KLRD1: variants seen among roughly 807,000 people sequenced by gnomAD.
The protein encoded by KLRD1 is killer cell lectin like receptor D1, also known as natural killer cells antigen CD94.
KLRD1 carries 21 observed loss-of-function variants against 22.6 expected under a neutral mutation model. The ratio of observed to expected loss-of-function variants is 0.93; its 90% CI spans 0.66 to 1.34. KLRD1 has a LOEUF of 1.34. Among genes scored for constraint, KLRD1 ranks in the 40% most tolerant of loss-of-function variants. The pLI, the probability that KLRD1 is intolerant of heterozygous loss-of-function variation, is 0.00. For missense variants in KLRD1, 183 were observed against 208.6 expected, an observed-to-expected ratio of 0.88 and a Z score of 0.76; for synonymous variants, 59 against 71.1, an observed-to-expected ratio of 0.83 and a Z score of 0.85.
At chr12:10,266,748 C>T (rs1412485787) in intron 1 of KLRD1, among the ~76,000 whole-genome samples, 1 of 151,400 alleles carries the variant, frequency 6.6e-6, no homozygotes, top group Non-Finnish European at 1.5e-5. Context: ...GTGCATATGA[C>T]TTTATTATAT....
chr12:10,239,301 A>C (rs1244901727), intron 1 of KLRD1, among the ~76,000 whole-genome samples: 1 of 152,196 alleles, frequency 6.6e-6, no homozygotes, highest in East Asian at 1.9e-4. Flanking sequence ...TAATAAGCCC[A>C]GGTACCACAA....
intron 5 of KLRD1, 45 bp downstream of exon 5, chr12:10,313,558 G>A: frequency 8.8e-7 from 1 of 1,130,168 alleles, no homozygotes; most frequent in Non-Finnish European, 1.3e-6. Flanking sequence ...TTATGAATTT[G>A]TCCTTAAATG....
chr12:10,320,058 G>A lies in KLRD1; in HGVS notation c.*5265G>A, dbSNP rs1292355716. ...TTTTTTTGTATTTTTAGTACAGACG[G>A]GGTTTCACCATGTTGGTCAGGCTGG... is the stretch of plus-strand genomic sequence containing the variant. On this transcript the variant is annotated 3_prime_UTR_variant, in exon 6 of 6. Transcript: ENST00000336164. 6.6e-6 allele frequency: 1 copy of A among 151,550 alleles called. No individual in the cohort carries two copies. The highest frequency in any genetic ancestry group is 1.5e-5 in the Non-Finnish European group (1 of 67,900). 9.4% of individuals were successfully genotyped at this position (151,550 alleles called of 1,614,324 possible).
chr12:10,259,204 G>T (rs1949426029), intron 1 of KLRD1, among the ~76,000 whole-genome samples: 1 of 152,128 alleles, frequency 6.6e-6, no homozygotes, highest in South Asian at 2.1e-4. Context: ...AAAATTCTAA[G>T]AATTATTCTA....
intron 1 of KLRD1, among the ~76,000 whole-genome samples, chr12:10,280,330 TAG>T (rs1403776343): frequency 6.6e-6 from 1 of 152,206 alleles, no homozygotes; most frequent in African/African-American, 2.4e-5. Flanking sequence ...TAGATCAGAA[TAG>T]AGATGGACCG....
rs530691445 is a variant in KLRD1, at chr12:10,320,697, G to A, written c.*5904G>A. On this transcript the variant is annotated 3_prime_UTR_variant, in exon 6 of 6. Coordinates refer to ENST00000336164, the MANE Select transcript of KLRD1 (RefSeq NM_002262.5). The stretch of plus-strand genomic sequence containing the variant: ...AATTGAGAAATAGATTCTGAGCAAA[G>A]ATCCAATCTAGAGTGCTCTCAGGAA... 6.6e-6 allele frequency: 1 copy of A among 151,998 alleles called. No individual in the cohort carries two copies. Among genetic ancestry groups the A allele is most frequent in the East Asian group, 1.9e-4 (1 of 5,188 alleles). 9.4% of individuals were successfully genotyped at this position (151,998 alleles called of 1,614,324 possible).
intron 1 of KLRD1, among the ~76,000 whole-genome samples, chr12:10,288,351 A>G (rs1337064909): frequency 5.9e-5 from 9 of 152,192 alleles, no homozygotes; most frequent in Non-Finnish European, 8.8e-5. Flanking sequence ...TATATAATAA[A>G]CCTACATTCA....
At chr12:10,306,252 CTGTGTGTGTGTATG>C (rs904112153), upstream of KLRD1, among the ~76,000 whole-genome samples, 11 of 151,500 alleles carry the variant, frequency 7.3e-5, no homozygotes, top group Admixed American at 4.0e-4. Flanking sequence ...TATATGTTTA[CTGTGTGTGTGTATG>C]TGTGTGTGTG....
Position 10,311,541 on chromosome 12 carries a change from ACTTG to A in KLRD1, c.242_245del (p.Thr81ArgfsTer27), listed in dbSNP as rs746949106. The A allele has an allele frequency of 6.2e-7, 1 of 1,614,126 alleles. No individual in the cohort carries two copies. The highest frequency in any genetic ancestry group is 8.5e-7 in the Non-Finnish European group (1 of 1,179,972). On this transcript the variant is annotated frameshift_variant, in exon 4 of 6. Coordinates refer to ENST00000336164, the MANE Select transcript of KLRD1 (RefSeq NM_002262.5). LOFTEE classifies it high-confidence loss of function. ...TTACTTCATTTCCAGTGAACAGAAA[ACTTG>A]GAACGAAAGTCGGCATCTCTGTGCT...
intron 1 of KLRD1, among the ~76,000 whole-genome samples, chr12:10,280,015 G>A (rs1463643881): frequency 6.6e-6 from 1 of 152,188 alleles, no homozygotes; most frequent in Non-Finnish European, 1.5e-5. Context: ...ATCTCTTGCA[G>A]TAGAATTTTA....
At chr12:10,241,570 G>T (rs1273874137) in intron 1 of KLRD1, among the ~76,000 whole-genome samples, 1 of 152,078 alleles carries the variant, frequency 6.6e-6, no homozygotes, top group African/African-American at 2.4e-5. Context: ...CTGGCAATAG[G>T]TTGGAAAAGA....
intron 1 of KLRD1, among the ~76,000 whole-genome samples, chr12:10,286,389 A>G (rs1949703032): frequency 6.6e-6 from 1 of 152,222 alleles, no homozygotes; most frequent in Non-Finnish European, 1.5e-5. Flanking sequence ...ATGTTTATAC[A>G]TTAAACCATT....
intron 1 of KLRD1, among the ~76,000 whole-genome samples, chr12:10,256,211 G>A (rs1159249020): frequency 6.6e-6 from 1 of 151,868 alleles, no homozygotes; most frequent in African/African-American, 2.4e-5. Flanking sequence ...CAGGTCTGAA[G>A]TGAGTCTTTT....
At chr12:10,296,477 C>T (rs1330655508) in intron 1 of KLRD1, among the ~76,000 whole-genome samples, 1 of 151,972 alleles carries the variant, frequency 6.6e-6, no homozygotes, top group Non-Finnish European at 1.5e-5. Flanking sequence ...AATTGCACCA[C>T]CACACTGCAG....
intron 1 of KLRD1, among the ~76,000 whole-genome samples, chr12:10,283,400 G>A (rs1467109271): frequency 2.6e-5 from 4 of 152,172 alleles, no homozygotes; most frequent in African/African-American, 7.2e-5. Context: ...GTGGGGATAA[G>A]GTTTTAGTAA....
rs141230371 is a variant in KLRD1 at position 10,327,845 on chromosome 12, G to T, written c.*13052G>T. On this transcript the variant is annotated 3_prime_UTR_variant, in exon 6 of 6. Coordinates refer to ENST00000336164, the MANE Select transcript of KLRD1 (RefSeq NM_002262.5). ...GTTGAAATATTTTTCTCAAATTCTA[G>T]GTTGGCAGGAGTTATCATCATAAAA... 2 of 152,214 alleles carry T rather than the reference G, an allele frequency of 1.3e-5. No individual in the cohort carries two copies. The highest frequency in any genetic ancestry group is 4.8e-5 in the African/African-American group (2 of 41,540). The allele number at this position is 152,214 out of a possible 1,614,324, so 9.4% of individuals were successfully genotyped here. A position where few individuals can be genotyped will look rare whatever the true frequency, so the allele number is the denominator to read the frequency against.
At position 10,319,219 on chromosome 12, in the gene KLRD1, A is replaced by G. The variant is rs1038790807; in HGVS notation, c.*4426A>G. ...GTGCCCAAGTATGTAAGATGAGAAT[A>G]TAAGGCCATAAATTCTACTCTCTGC... is the stretch of plus-strand genomic sequence containing the variant. On this transcript the variant is annotated 3_prime_UTR_variant, in exon 6 of 6. Coordinates refer to ENST00000336164, the MANE Select transcript of KLRD1 (RefSeq NM_002262.5). 6.6e-6 allele frequency: 1 copy of G among 152,360 alleles called. No homozygotes were observed. The highest frequency in any genetic ancestry group is 1.5e-5 in the Non-Finnish European group (1 of 68,036). The allele number at this position is 152,360 out of a possible 1,614,324, so 9.4% of individuals were successfully genotyped here. A position where few individuals can be genotyped will look rare whatever the true frequency, so the allele number is the denominator to read the frequency against.
Position 10,265,522 on chromosome 12 carries a change from C to A in KLRD1, c.-101+39289C>A, listed in dbSNP as rs139393569. Among the ~76,000 whole-genome samples the A allele has an allele frequency of 7.6e-3, 1,158 of 152,250 alleles. 17 individuals carry two copies. The highest frequency in any genetic ancestry group is 0.027 in the African/African-American group (1,105 of 41,548). On this transcript the variant is annotated intron_variant, in intron 1 of 5. Coordinates refer to the KLRD1 transcript ENST00000544747. ...CTGTAATCCCAGCACTTTGGGAGGCCGATGCGGGTGGATCACCTGAAGTCA... is the reference window on the plus strand; with the variant it reads ...CTGTAATCCCAGCACTTTGGGAGGCAGATGCGGGTGGATCACCTGAAGTCA...
Position 10,318,395 on chromosome 12 carries a change from A to G in KLRD1, c.*3602A>G, listed in dbSNP as rs1950274637. The G allele has an allele frequency of 6.6e-6, 1 of 152,202 alleles. No homozygotes were observed. The highest frequency in any genetic ancestry group is 1.5e-5 in the Non-Finnish European group (1 of 68,042). The allele number at this position is 152,202 out of a possible 1,614,324, so 9.4% of individuals were successfully genotyped here. Reference sequence around the variant, plus strand: ...CCAGACACAGATAAAAGACTGCAAGAAATTTCAGTTTCAGCTCTCATGAAA... The same window carrying G: ...CCAGACACAGATAAAAGACTGCAAGGAATTTCAGTTTCAGCTCTCATGAAA... On this transcript the variant is annotated 3_prime_UTR_variant, in exon 6 of 6. Coordinates refer to ENST00000336164, the MANE Select transcript of KLRD1 (RefSeq NM_002262.5).
Sources: allele counts gnomAD v4.1 joint callset (sites outside exome capture counted in the v4.1 genomes callset), GRCh38; gene constraint gnomAD v4.1.1; transcripts MANE v1.5; gene names NCBI Gene and HGNC (gene_info 2026-07-23, HGNC 2026-07-21).